Variants in FAM135A observed in about 807,000 individuals in gnomAD.
FAM135A encodes the protein protein FAM135A.
Under a neutral mutation model 146.8 loss-of-function variants are expected in FAM135A, and 79 were observed. The ratio of observed to expected loss-of-function variants is 0.54; its 90% CI spans 0.45 to 0.65. The LOEUF is 0.65. Ranked by LOEUF, FAM135A falls within the 30% of genes least tolerant of loss-of-function variation. The probability of loss-of-function intolerance (pLI) is 0.00; values close to 1 mark genes in which losing one functional copy is unlikely to be tolerated. For missense variants in FAM135A, 1,623 were observed against 1,758.2 expected, an observed-to-expected ratio of 0.92 and a Z score of 1.38; for synonymous variants, 562 against 603.6, an observed-to-expected ratio of 0.93 and a Z score of 1.01.
intron 11 of FAM135A, among the ~76,000 whole-genome samples, chr6:70,497,744 A>G (rs1172552978): frequency 1.3e-5 from 2 of 151,912 alleles, no homozygotes; most frequent in African/African-American, 4.8e-5. Context: ...TTCTGCATCT[A>G]TTGAGATAAT....
intron 13 of FAM135A, among the ~76,000 whole-genome samples, chr6:70,523,084 C>CA (rs1425486611): frequency 1.3e-5 from 2 of 151,580 alleles, no homozygotes; most frequent in South Asian, 2.1e-4. Context: ...TTATGCTGAG[C>CA]AAAAAAAGCT....
At chr6:70,534,268 ATATATGTATATG>A (rs1796370569) in intron 18 of FAM135A, among the ~76,000 whole-genome samples, 2 of 146,958 alleles carry the variant, frequency 1.4e-5, no homozygotes, top group Non-Finnish European at 3.0e-5. Context: ...TATGTATATG[ATATATGTATATG>A]AAGCAACAAA....
chr6:70,522,674 A>G (rs1793873976), intron 13 of FAM135A, 88 bp downstream of exon 13: 4 of 954,986 alleles, frequency 4.2e-6, no homozygotes, highest in Admixed American at 4.7e-5. Flanking sequence ...CAGAATATAC[A>G]GTATTAACAA....
intron 2 of FAM135A, chr6:70,418,277 CAG>C (rs1214940031): frequency 6.6e-6 from 1 of 152,188 alleles, no homozygotes; most frequent in African/African-American, 2.4e-5. Context: ...TGATGATCTA[CAG>C]AGTGAGGCAA....
At chr6:70,458,079 G>A (rs867453511) in intron 5 of FAM135A, among the ~76,000 whole-genome samples, 7 of 151,920 alleles carry the variant, frequency 4.6e-5, no homozygotes, top group Non-Finnish European at 8.8e-5. Context: ...GAAAATGATA[G>A]GCTTCCATAT....
At chr6:70,435,079 GTGTATATATATATA>G (rs1398048114) in intron 4 of FAM135A, among the ~76,000 whole-genome samples, 4 of 89,862 alleles carry the variant, frequency 4.5e-5, no homozygotes, top group African/African-American at 1.0e-4. Context: ...GTGTGTGTGT[GTGTATATATATATA>G]TATATATATA....
intron 1 of FAM135A, chr6:70,413,943 C>A: frequency 2.0e-6 from 2 of 985,548 alleles, no homozygotes; most frequent in South Asian, 4.7e-5. Context: ...GCTGCTCTCC[C>A]GGTGCCCGCG....
chr6:70,489,835 A>G (rs1785518588), intron 10 of FAM135A, among the ~76,000 whole-genome samples: 1 of 152,132 alleles, frequency 6.6e-6, no homozygotes, highest in Admixed American at 6.6e-5. Context: ...AATGAGCAAA[A>G]GACCACTCTA....
At chr6:70,493,774 C>T (rs530149251) in intron 11 of FAM135A, among the ~76,000 whole-genome samples, 81 of 152,100 alleles carry the variant, frequency 5.3e-4, no homozygotes, top group Middle Eastern at 3.4e-3. Context: ...TGTTTTTGGC[C>T]GGGTGCGGTG....
chr6:70,476,008 G>A (rs975116322), intron 7 of FAM135A, among the ~76,000 whole-genome samples: 7 of 152,148 alleles, frequency 4.6e-5, no homozygotes, highest in Non-Finnish European at 7.4e-5. Flanking sequence ...TACCACTACC[G>A]TGAGGCATTT....
At chr6:70,506,286 C>T (rs1789749328) in intron 12 of FAM135A, among the ~76,000 whole-genome samples, 1 of 152,160 alleles carries the variant, frequency 6.6e-6, no homozygotes. Flanking sequence ...ACCAATAACT[C>T]AGGCAAAGTT....
intron 10 of FAM135A, chr6:70,486,058 G>A (rs1784565279): frequency 1.4e-6 from 1 of 702,228 alleles, no homozygotes; most frequent in African/African-American, 1.8e-5. Flanking sequence ...TTAACTAACT[G>A]CACTATCAGA....
intron 4 of FAM135A, among the ~76,000 whole-genome samples, chr6:70,435,081 G>GTATA (rs767689681): frequency 6.2e-4 from 58 of 94,274 alleles, no homozygotes; most frequent in Admixed American, 3.7e-3. Flanking sequence ...GTGTGTGTGT[G>GTATA]TATATATATA....
intron 4 of FAM135A, among the ~76,000 whole-genome samples, chr6:70,448,559 C>G (rs893358788): frequency 6.6e-6 from 1 of 152,136 alleles, no homozygotes; most frequent in African/African-American, 2.4e-5. Context: ...CTTGCCAAGA[C>G]CAGCTCAGTG....
rs1293717222 is a variant in FAM135A at position 70,526,446 on chromosome 6, A to G, written c.3362A>G (p.Glu1121Gly). 2.5e-6 allele frequency: 4 copies of G among 1,613,630 alleles called. No individual in the cohort carries two copies. In the South Asian group the frequency reaches 4.4e-5, roughly 18 times the overall value. Residue 1121 changes from glutamate (E) to glycine (G), a missense_variant, in exon 15 of 22, where the codon GAA becomes GGA. Transcript: ENST00000418814. ...TINAHYTSRD[E>G]LMEERLTKSE... ...AATGCTCACTATACAAGCAGAGATG[A>G]ACTAATGGAAGAAAGACTTACAAAA... is the stretch of plus-strand genomic sequence containing the variant.
intron 20 of FAM135A, 62 bp downstream of exon 20, chr6:70,538,463 T>A: frequency 1.1e-6 from 1 of 928,910 alleles, no homozygotes; most frequent in Non-Finnish European, 1.5e-6. Context: ...AATAAACATT[T>A]AGCAAATAAA....
chr6:70,542,817 T>A (rs1250772258), intron 20 of FAM135A, among the ~76,000 whole-genome samples: 1 of 152,216 alleles, frequency 6.6e-6, no homozygotes, highest in Non-Finnish European at 1.5e-5. Flanking sequence ...GTCCTTTTTT[T>A]AATGGTACTG....
At chr6:70,529,553 G>A (rs570766527) in intron 16 of FAM135A, among the ~76,000 whole-genome samples, 1 of 151,710 alleles carries the variant, frequency 6.6e-6, no homozygotes, top group African/African-American at 2.4e-5. Flanking sequence ...AAAGACTTCT[G>A]GACCCAGAAT....
chr6:70,430,291 G>A (rs1013597779), intron 4 of FAM135A, among the ~76,000 whole-genome samples: 5 of 151,646 alleles, frequency 3.3e-5, no homozygotes, highest in African/African-American at 9.7e-5. Flanking sequence ...GAGCCGACAC[G>A]GTGCCACTGC....
Sources: gnomAD v4.1 joint callset for allele counts (sites outside exome capture counted in the v4.1 genomes callset) on GRCh38, gnomAD v4.1.1 for gene constraint, MANE v1.5 for transcripts, NCBI Gene and HGNC (gene_info 2026-07-23, HGNC 2026-07-21) for gene names.